Variants in NXPH1 observed in about 807,000 individuals in gnomAD.
NXPH1 encodes the protein neurexophilin 1.
In NXPH1, 5 loss-of-function variants were observed where a neutral mutation model predicts 23.7. The observed-to-expected ratio is 0.21, with a 90% confidence interval of 0.11 to 0.44. NXPH1 has a LOEUF of 0.44. Among genes scored for constraint, NXPH1 ranks in the 20% least tolerant of loss-of-function variants. NXPH1 has a pLI of 0.99. For missense variants in NXPH1, 324 were observed against 321.6 expected, an observed-to-expected ratio of 1.01 and a Z score of -0.06; for synonymous variants, 144 against 122.2, an observed-to-expected ratio of 1.18 and a Z score of -1.18.
chr7:8,654,734 A>G (rs1820546088), intron 2 of NXPH1, among the ~76,000 whole-genome samples: 1 of 152,196 alleles, frequency 6.6e-6, no homozygotes, highest in Non-Finnish European at 1.5e-5. Flanking sequence ...GAGGTGCTCT[A>G]GGTGGGACAC....
intron 2 of NXPH1, among the ~76,000 whole-genome samples, chr7:8,469,467 G>A (rs983625754): frequency 6.6e-6 from 1 of 152,040 alleles, no homozygotes; most frequent in Non-Finnish European, 1.5e-5. Context: ...ATGACAGAGA[G>A]CGTCAAATGT....
chr7:8,557,737 G>A (rs1009047420), intron 2 of NXPH1, among the ~76,000 whole-genome samples: 18 of 151,626 alleles, frequency 1.2e-4, no homozygotes, highest in Admixed American at 9.2e-4. Context: ...AACCTCCAGT[G>A]AAATTCATCT....
intron 2 of NXPH1, among the ~76,000 whole-genome samples, chr7:8,683,730 A>AT (rs933059721): frequency 1.2e-4 from 19 of 152,122 alleles, no homozygotes; most frequent in African/African-American, 3.9e-4. Context: ...CACCAACATA[A>AT]TTTTTTTTGT....
intron 2 of NXPH1, among the ~76,000 whole-genome samples, chr7:8,461,548 C>T (rs893901378): frequency 1.3e-5 from 2 of 151,980 alleles, no homozygotes; most frequent in African/African-American, 4.8e-5. Context: ...AATAAACACA[C>T]GGCCGGGCGC....
At chr7:8,750,163 T>G (rs1340961002) in intron 2 of NXPH1, among the ~76,000 whole-genome samples, 1 of 152,200 alleles carries the variant, frequency 6.6e-6, no homozygotes, top group Non-Finnish European at 1.5e-5. Flanking sequence ...ATTCATTGCT[T>G]ATTATAGGTG....
intron 2 of NXPH1, among the ~76,000 whole-genome samples, chr7:8,740,368 T>G (rs558913447): frequency 6.6e-6 from 1 of 152,324 alleles, no homozygotes; most frequent in Non-Finnish European, 1.5e-5. Context: ...AATACAGGCA[T>G]GTATTTATCC....
chr7:8,525,426 A>G (rs1817845546), intron 2 of NXPH1, among the ~76,000 whole-genome samples: 1 of 152,210 alleles, frequency 6.6e-6, no homozygotes, highest in South Asian at 2.1e-4. Context: ...AGAAAAACCC[A>G]TTTTATGAGG....
chr7:8,447,692 C>T (rs1816429198), intron 2 of NXPH1, among the ~76,000 whole-genome samples: 1 of 152,188 alleles, frequency 6.6e-6, no homozygotes, highest in South Asian at 2.1e-4. Flanking sequence ...GAATGATTTG[C>T]CCTGAGGTGT....
chr7:8,475,251 A>G (rs1309749737), intron 2 of NXPH1, among the ~76,000 whole-genome samples: 1 of 152,004 alleles, frequency 6.6e-6, no homozygotes, highest in Non-Finnish European at 1.5e-5. Flanking sequence ...CAGAGGCTCT[A>G]TTTGAACCCT....
chr7:8,461,956 A>G (rs1307306344), intron 2 of NXPH1, among the ~76,000 whole-genome samples: 26 of 152,088 alleles, frequency 1.7e-4, no homozygotes, highest in Admixed American at 1.7e-3. Flanking sequence ...TATGTAGTAT[A>G]TTATTTTTAT....
intron 2 of NXPH1, among the ~76,000 whole-genome samples, chr7:8,664,692 T>A (rs1375792123): frequency 6.6e-6 from 1 of 152,066 alleles, no homozygotes; most frequent in Non-Finnish European, 1.5e-5. Context: ...CCCACACTTC[T>A]CATTTTTTGT....
chr7:8,556,553 C>T (rs1818361242), intron 2 of NXPH1, among the ~76,000 whole-genome samples: 2 of 151,664 alleles, frequency 1.3e-5, no homozygotes, highest in African/African-American at 4.8e-5. Context: ...CTCCAGCAGG[C>T]AGAAAGTAAA....
At position 8,451,954 on chromosome 7, in the gene NXPH1, G is replaced by C. The variant is rs550727914; in HGVS notation, c.54+16187G>C. Among the ~76,000 whole-genome samples, 12 of 152,266 alleles carry C rather than the reference G, an allele frequency of 7.9e-5. No homozygotes were observed. In the East Asian group the frequency reaches 2.1e-3, roughly 27 times the overall value. On this transcript the variant is annotated intron_variant, in intron 2 of 2. Transcript: ENST00000405863. ...ACCATGGTATGTCTCATGGAACATA[G>C]CCCAAACTCTTTTCCTTAAAAATCT...
intron 2 of NXPH1, among the ~76,000 whole-genome samples, chr7:8,665,102 A>G (rs1013259286): frequency 2.6e-5 from 4 of 151,968 alleles, no homozygotes; most frequent in Non-Finnish European, 5.9e-5. Flanking sequence ...TGCCAAGACC[A>G]ATGTTTTGGA....
intron 2 of NXPH1, among the ~76,000 whole-genome samples, chr7:8,711,557 T>C (rs1431004571): frequency 6.6e-6 from 1 of 152,162 alleles, no homozygotes; most frequent in Non-Finnish European, 1.5e-5. Context: ...GGTGTCAACA[T>C]GGGCTGGCAC....
intron 2 of NXPH1, among the ~76,000 whole-genome samples, chr7:8,739,171 TAAAAAAAAAAAAAA>T (rs34593997): frequency 7.4e-4 from 40 of 54,042 alleles, no homozygotes; most frequent in African/African-American, 2.4e-3. Flanking sequence ...ACCAGTGGGG[TAAAAAAAAAAAAAA>T]AAAAAAAAAA....
At chr7:8,511,397 T>A (rs1052701532) in intron 2 of NXPH1, among the ~76,000 whole-genome samples, 3 of 152,100 alleles carry the variant, frequency 2.0e-5, no homozygotes, top group African/African-American at 7.2e-5. Flanking sequence ...ATGAATGTTG[T>A]CCCAGCCTTT....
At chr7:8,634,744 G>T (rs1226881862) in intron 2 of NXPH1, among the ~76,000 whole-genome samples, 1 of 140,066 alleles carries the variant, frequency 7.1e-6, no homozygotes. Context: ...AGATGGAAAT[G>T]GCCCAGGAAA....
intron 2 of NXPH1, among the ~76,000 whole-genome samples, chr7:8,458,951 C>T (rs576308596): frequency 6.6e-6 from 1 of 152,154 alleles, no homozygotes; most frequent in Non-Finnish European, 1.5e-5. Context: ...GCAAATGACA[C>T]ATTCCATTCC....
Sources: gnomAD v4.1 joint callset for allele counts (sites outside exome capture counted in the v4.1 genomes callset) on GRCh38, gnomAD v4.1.1 for gene constraint, MANE v1.5 for transcripts, NCBI Gene and HGNC (gene_info 2026-07-23, HGNC 2026-07-21) for gene names.